Variants in SEMA3C observed in about 807,000 individuals in gnomAD.
The protein encoded by SEMA3C is semaphorin-3C.
Under a neutral mutation model 89.4 loss-of-function variants are expected in SEMA3C, and 47 were observed. The observed-to-expected ratio is 0.53, with a 90% CI of 0.42 to 0.67. The LOEUF is 0.67. Ranked by LOEUF, SEMA3C falls within the 30% of genes least tolerant of loss-of-function variation. The probability of loss-of-function intolerance (pLI) is 0.00; values close to 1 mark genes in which losing one functional copy is unlikely to be tolerated. For missense variants in SEMA3C, 839 were observed against 929.1 expected, an observed-to-expected ratio of 0.90 and a Z score of 1.26; for synonymous variants, 310 against 320.2, an observed-to-expected ratio of 0.97 and a Z score of 0.34.
At chr7:80,754,972 G>GTTTTTTTTT (rs1788032992) in intron 15 of SEMA3C, among the ~76,000 whole-genome samples, 2 of 29,536 alleles carry the variant, frequency 6.8e-5, no homozygotes, top group African/African-American at 1.4e-4. Flanking sequence ...TTTTTTTTTT[G>GTTTTTTTTT]TATTTTTAGT....
chr7:80,815,015 TG>T (rs1789566088), intron 5 of SEMA3C, among the ~76,000 whole-genome samples: 1 of 152,204 alleles, frequency 6.6e-6, no homozygotes, highest in African/African-American at 2.4e-5. Context: ...TGCTGAAGAT[TG>T]TTCCAATTTA....
At chr7:80,818,185 G>A (rs1789655893) in intron 5 of SEMA3C, 114 bp downstream of exon 5, 2 of 987,760 alleles carry the variant, frequency 2.0e-6, no homozygotes, top group Non-Finnish European at 2.9e-6. Flanking sequence ...TGTATTTAAA[G>A]GGCATGAAAA....
At chr7:80,815,441 T>A (rs1267134377) in intron 5 of SEMA3C, among the ~76,000 whole-genome samples, 1 of 150,880 alleles carries the variant, frequency 6.6e-6, no homozygotes, top group East Asian at 2.0e-4. Flanking sequence ...AGCCTCCTAC[T>A]CTGAGAAGCT....
chr7:80,880,841 C>T (rs924098991), intron 2 of SEMA3C, among the ~76,000 whole-genome samples: 7 of 152,096 alleles, frequency 4.6e-5, no homozygotes, highest in African/African-American at 1.7e-4. Context: ...AGAAGAATCG[C>T]TTAAATCCTG....
intron 2 of SEMA3C, among the ~76,000 whole-genome samples, chr7:80,912,397 T>C (rs938789083): frequency 3.3e-5 from 5 of 152,192 alleles, no homozygotes; most frequent in African/African-American, 1.2e-4. Flanking sequence ...TTAGCAATTC[T>C]TCTCATCTTC....
intron 2 of SEMA3C, among the ~76,000 whole-genome samples, chr7:80,840,110 T>C (rs1268125631): frequency 6.6e-6 from 1 of 152,136 alleles, no homozygotes; most frequent in African/African-American, 2.4e-5. Context: ...CTTGTGTTTA[T>C]ACATAACACA....
chr7:80,847,531 C>T (rs568960792), intron 2 of SEMA3C, among the ~76,000 whole-genome samples: 64 of 152,258 alleles, frequency 4.2e-4, no homozygotes, highest in African/African-American at 1.4e-3. Context: ...ACTGTTGGCA[C>T]TCTCTGCCAG....
chr7:80,828,147 G>T (rs1789920915), intron 3 of SEMA3C, among the ~76,000 whole-genome samples: 1 of 151,994 alleles, frequency 6.6e-6, no homozygotes, highest in African/African-American at 2.4e-5. Context: ...TCACTACAGT[G>T]AAGCTCAATT....
chr7:80,801,475 G>C (rs1789206473), intron 9 of SEMA3C, among the ~76,000 whole-genome samples: 1 of 151,974 alleles, frequency 6.6e-6, no homozygotes, highest in Non-Finnish European at 1.5e-5. Flanking sequence ...ATAAATAACA[G>C]AATATGAAAG....
intron 5 of SEMA3C, among the ~76,000 whole-genome samples, chr7:80,810,967 A>G (rs1262471855): frequency 6.6e-6 from 1 of 152,194 alleles, no homozygotes; most frequent in East Asian, 1.9e-4. Context: ...AATCAACATC[A>G]GCAAAAATCA....
intron 2 of SEMA3C, among the ~76,000 whole-genome samples, chr7:80,843,223 T>C (rs1040671752): frequency 2.0e-5 from 3 of 152,096 alleles, no homozygotes; most frequent in African/African-American, 4.8e-5. Flanking sequence ...TCCAACACAT[T>C]CAAATGATAA....
In SEMA3C at chr7:80,751,270, T is replaced by A. The variant is rs779367121; in HGVS notation, c.1710A>T (p.Lys570Asn). Reference protein sequence around the residue: ...PLTQCRGFNLKAYRNAAEIVQ... With the variant: ...PLTQCRGFNLNAYRNAAEIVQ... ...TTGGCCATTGCTCACTTTTAATACCTTTTAGATTAAATCCTCTGCATTGAG... is the reference window on the plus strand; with the variant it reads ...TTGGCCATTGCTCACTTTTAATACCATTTAGATTAAATCCTCTGCATTGAG... The change falls in exon 16 of 18, where the codon AAA becomes AAT. Residue 570 changes from lysine to asparagine, a missense_variant and splice_region_variant. Coordinates refer to ENST00000265361, the MANE Select transcript of SEMA3C (RefSeq NM_006379.5). 39 of 1,613,334 alleles carry A rather than the reference T, an allele frequency of 2.4e-5. No individual in the cohort carries two copies. The South Asian group carries it at 4.3e-4, about 18-fold the overall frequency.
At position 80,804,222 on chromosome 7, in the gene SEMA3C, T is replaced by G. The variant is rs2115680951; in HGVS notation, c.685A>C (p.Ile229Leu). The G allele has an allele frequency of 6.2e-7, 1 of 1,608,170 alleles. No homozygotes were observed. Among genetic ancestry groups the G allele is most frequent in the African/African-American group, 1.3e-5 (1 of 74,810 alleles). Residue 229 changes from isoleucine to leucine, a missense_variant, in exon 8 of 18, where the codon ATC becomes CTC. Ile to Leu is a conservative substitution (Grantham distance 5). Transcript: ENST00000265361. ...TCATTTGGATCAGTACCATCTGGGA[T>G]GACATGTGCATCTACAAACATAGGT... ...SEPMFVDAHV[I>L]PDGTDPNDAK... is the part of the protein sequence containing the mutation.
intron 2 of SEMA3C, among the ~76,000 whole-genome samples, chr7:80,866,689 G>C (rs1790934435): frequency 6.6e-6 from 1 of 152,056 alleles, no homozygotes; most frequent in Non-Finnish European, 1.5e-5. Flanking sequence ...TGTTGAGAGA[G>C]CTCATTCCCA....
intron 12 of SEMA3C, among the ~76,000 whole-genome samples, chr7:80,776,793 C>T (rs1007813691): frequency 6.6e-6 from 1 of 152,132 alleles, no homozygotes. Context: ...AAAATAATTG[C>T]ATGCATATTG....
chr7:80,743,406 G>T lies in SEMA3C; in HGVS notation c.*1488C>A, dbSNP rs981534192. ...AGTTTTAGACTGCAATACTTAAAAA[G>T]GCCATAATCTACTTTAATTACCTTC... On this transcript the variant is annotated 3_prime_UTR_variant, in exon 18 of 18. Transcript: ENST00000265361. The T allele has an allele frequency of 1.3e-5, 2 of 151,598 alleles. No individual in the cohort carries two copies. Among genetic ancestry groups the T allele is most frequent in the Non-Finnish European group, 3.0e-5 (2 of 67,746 alleles). The allele number at this position is 151,598 out of a possible 1,614,324, so 9.4% of individuals were successfully genotyped here.
rs551393687 is a variant in SEMA3C, at chr7:80,761,277, C to T, written c.1485+339G>A. Among the ~76,000 whole-genome samples, 128 of 152,016 alleles carry T rather than the reference C, an allele frequency of 8.4e-4. 1 individual carries two copies. Among genetic ancestry groups the T allele is most frequent in the Non-Finnish European group, 1.5e-3 (101 of 67,996 alleles). On this transcript the variant is annotated intron_variant, in intron 14 of 17. Coordinates refer to ENST00000265361, the MANE Select transcript of SEMA3C (RefSeq NM_006379.5). The stretch of plus-strand genomic sequence containing the variant: ...AATGTTGTGATGTTATAGAGTAGCC[C>T]AAACTTTATGCTAAATTCTTCCCAG...
chr7:80,913,910 T>G (rs1792210506), intron 2 of SEMA3C, among the ~76,000 whole-genome samples: 1 of 152,160 alleles, frequency 6.6e-6, no homozygotes, highest in Admixed American at 6.5e-5. Flanking sequence ...ACCTTGAAAT[T>G]GCCTATGATG....
intron 12 of SEMA3C, among the ~76,000 whole-genome samples, chr7:80,780,246 G>C (rs1459129024): frequency 6.6e-6 from 1 of 152,164 alleles, no homozygotes; most frequent in African/African-American, 2.4e-5. Flanking sequence ...CCTCCATTGG[G>C]TCAAGAGATT....
Sources: gnomAD v4.1 joint callset for allele counts (sites outside exome capture counted in the v4.1 genomes callset) on GRCh38, gnomAD v4.1.1 for gene constraint, MANE v1.5 for transcripts, NCBI Gene and HGNC (gene_info 2026-07-23, HGNC 2026-07-21) for gene names.